MTMR12: variants seen among roughly 807,000 people sequenced by gnomAD.
MTMR12 encodes the protein myotubularin related protein 12.
MTMR12 carries 33 observed loss-of-function variants against 96.7 expected under a neutral mutation model. The observed-to-expected ratio is 0.34, with a 90% CI of 0.26 to 0.46. MTMR12 has a LOEUF of 0.46. Ranked by LOEUF, MTMR12 falls within the 20% of genes least tolerant of loss-of-function variation. MTMR12 has a pLI of 1.00. For synonymous variants in MTMR12, 298 were observed against 327.2 expected (o/e 0.91, Z 0.96); for missense variants, 721 against 896.1 (o/e 0.80, Z 2.49).
chr5:32,298,886 G>A (rs575662840), intron 1 of MTMR12, among the ~76,000 whole-genome samples: 63 of 150,476 alleles, frequency 4.2e-4, no homozygotes, highest in African/African-American at 1.5e-3. Flanking sequence ...CCGGGAGGCG[G>A]AGCTTGCAGT....
chr5:32,228,534 GATATATATATCATATATA>G lies in MTMR12; in HGVS notation c.*1226_*1243del, dbSNP rs1561726440. 37 of 87,524 alleles carry G rather than the reference GATATATATATCATATATA, an allele frequency of 4.2e-4. No individual in the cohort carries two copies. Among genetic ancestry groups the G allele is most frequent in the South Asian group, 1.6e-3 (4 of 2,480 alleles). 5.4% of individuals were successfully genotyped at this position (87,524 alleles called of 1,614,324 possible). ...TAAAAAAAATATATATCATATATAT[GATATATATATCATATATA>G]TGTGATATATATATATCATATATAT... is the stretch of plus-strand genomic sequence containing the variant. On this transcript the variant is annotated 3_prime_UTR_variant, in exon 16 of 16. Coordinates refer to ENST00000382142, the MANE Select transcript of MTMR12 (RefSeq NM_001040446.3).
chr5:32,295,175 C>T (rs1750879468), intron 1 of MTMR12, among the ~76,000 whole-genome samples: 1 of 152,250 alleles, frequency 6.6e-6, no homozygotes, highest in Non-Finnish European at 1.5e-5. Flanking sequence ...GCCTGACTAG[C>T]AGGCTCATTC....
intron 1 of MTMR12, among the ~76,000 whole-genome samples, chr5:32,290,446 G>A (rs996649487): frequency 2.6e-5 from 4 of 152,152 alleles, no homozygotes; most frequent in African/African-American, 9.7e-5. Context: ...GGGGTTCGGT[G>A]GTGTGCGGCC....
chr5:32,255,981 T>C (rs1000885659), intron 7 of MTMR12: 8 of 381,978 alleles, frequency 2.1e-5, no homozygotes, highest in Admixed American at 8.9e-5. Flanking sequence ...AAACTGTGGC[T>C]CTGCCTGCAA....
intron 10 of MTMR12, 50 bp downstream of exon 10, chr5:32,247,952 C>T (rs199849619): frequency 8.0e-4 from 1,273 of 1,591,132 alleles, no homozygotes; most frequent in Non-Finnish European, 8.6e-4. Context: ...ATCTGCATGG[C>T]ATGTCTTTCC....
chr5:32,305,106 T>G (rs180871921), intron 1 of MTMR12, among the ~76,000 whole-genome samples: 1 of 152,304 alleles, frequency 6.6e-6, no homozygotes, highest in East Asian at 1.9e-4. Flanking sequence ...TCTTTTTTTT[T>G]GAGACGGGGT....
chr5:32,284,224 G>A (rs994088451), intron 1 of MTMR12, among the ~76,000 whole-genome samples: 1 of 150,216 alleles, frequency 6.7e-6, no homozygotes, highest in Non-Finnish European at 1.5e-5. Flanking sequence ...AGGCTGGGGC[G>A]GGAGAATCAC....
intron 1 of MTMR12, among the ~76,000 whole-genome samples, chr5:32,283,121 T>C (rs1750373812): frequency 6.6e-6 from 1 of 152,302 alleles, no homozygotes; most frequent in East Asian, 1.9e-4. Context: ...ATTCTGAATG[T>C]GTATAAGCTG....
intron 1 of MTMR12, among the ~76,000 whole-genome samples, chr5:32,294,379 T>G (rs1218172082): frequency 6.6e-6 from 1 of 152,136 alleles, no homozygotes; most frequent in Non-Finnish European, 1.5e-5. Context: ...CTTGGCTCAC[T>G]GCAACTTCTG....
intron 1 of MTMR12, among the ~76,000 whole-genome samples, chr5:32,283,546 T>C (rs1750393584): frequency 6.6e-6 from 1 of 152,202 alleles, no homozygotes; most frequent in Admixed American, 6.5e-5. Flanking sequence ...TCAAACCCTG[T>C]GCGCAGTCTG....
intron 7 of MTMR12, among the ~76,000 whole-genome samples, chr5:32,258,962 A>C (rs1490609848): frequency 6.6e-6 from 1 of 151,090 alleles, no homozygotes; most frequent in Non-Finnish European, 1.5e-5. Context: ...CCCATCCATC[A>C]CCGAGCAGAG....
At chr5:32,232,426 T>C (rs1581584623) in intron 15 of MTMR12, among the ~76,000 whole-genome samples, 1 of 152,234 alleles carries the variant, frequency 6.6e-6, no homozygotes, top group South Asian at 2.1e-4. Context: ...TTAGGCTGTC[T>C]GTCCCTATCT....
chr5:32,302,093 G>A lies in MTMR12; in HGVS notation c.81+10665C>T, dbSNP rs572124023. Among the ~76,000 whole-genome samples the A allele has an allele frequency of 7.7e-4, 117 of 152,018 alleles. 1 individual carries two copies. The highest frequency in any genetic ancestry group is 2.6e-3 in the African/African-American group (109 of 41,330). On this transcript the variant is annotated intron_variant, in intron 1 of 15. Coordinates refer to ENST00000382142, the MANE Select transcript of MTMR12 (RefSeq NM_001040446.3). Reference sequence around the variant, plus strand: ...CACTTATACATAAGCCCTATCTTACGGCTGAAATCCCTCCCTTCCCAAAAC... The same window carrying A: ...CACTTATACATAAGCCCTATCTTACAGCTGAAATCCCTCCCTTCCCAAAAC...
rs931845661 is a variant in MTMR12, at chr5:32,254,194, G to A, written c.789+1499C>T. Among the ~76,000 whole-genome samples the A allele has an allele frequency of 2.0e-5, 3 of 152,310 alleles. No homozygotes were observed. The East Asian group carries it at 5.8e-4, about 29-fold the overall frequency. ...TTCCTCTAAAGCATCCGTTTTCGAA[G>A]TGTAGTATACACTACGCTGGGAGGT... On this transcript the variant is annotated intron_variant, in intron 8 of 15. Coordinates refer to ENST00000382142, the MANE Select transcript of MTMR12 (RefSeq NM_001040446.3).
rs769021562 is a variant in MTMR12 at position 32,229,668 on chromosome 5, G to C, written c.*110C>G. The C allele has an allele frequency of 1.9e-6, 2 of 1,041,694 alleles. No individual in the cohort carries two copies. The highest frequency in any genetic ancestry group is 3.3e-5 in the African/African-American group (2 of 61,040). 64.5% of individuals were successfully genotyped at this position (1,041,694 alleles called of 1,614,324 possible). A position where few individuals can be genotyped will look rare whatever the true frequency, so the allele number is the denominator to read the frequency against. On this transcript the variant is annotated 3_prime_UTR_variant, in exon 16 of 16. Coordinates refer to ENST00000382142, the MANE Select transcript of MTMR12 (RefSeq NM_001040446.3). ...CCCGAAGGCCCAGGTTTATTCTAAC[G>C]GAGTGCCGGGCTAAGGACCCAGCCA...
Position 32,242,125 on chromosome 5 carries a change from C to A in MTMR12, c.1103G>T (p.Arg368Leu). Residue 368 changes from arginine (R) to leucine (L), a missense_variant and splice_region_variant, in exon 12 of 16, where the codon CGT becomes CTT. Physicochemically the swap from Arg to Leu is moderately radical, Grantham distance 102. Coordinates refer to ENST00000382142, the MANE Select transcript of MTMR12 (RefSeq NM_001040446.3). ...AATCTCTATTGCTTTTTTCAGGCAA[C>A]GTCTGAATAGGAAAGAGACAAGAAA... ...ESSSWLDIIR[R>L]CLKKAIEITE... The A allele has an allele frequency of 6.8e-6, 11 of 1,607,484 alleles. No individual in the cohort carries two copies. Among genetic ancestry groups the A allele is most frequent in the Admixed American group, 1.7e-5 (1 of 59,880 alleles).
At chr5:32,258,243 C>A (rs187126877) in intron 7 of MTMR12, among the ~76,000 whole-genome samples, 1 of 152,270 alleles carries the variant, frequency 6.6e-6, no homozygotes, top group African/African-American at 2.4e-5. Flanking sequence ...CACTTCAAAC[C>A]ATCAAAACTG....
chr5:32,258,442 A>G (rs180848616), intron 7 of MTMR12, among the ~76,000 whole-genome samples: 7 of 152,346 alleles, frequency 4.6e-5, no homozygotes, highest in Admixed American at 2.6e-4. Flanking sequence ...AAGATTACCA[A>G]TGTCCAGGCT....
intron 6 of MTMR12, 83 bp downstream of exon 6, chr5:32,268,618 T>C (rs140762116): frequency 6.5e-4 from 748 of 1,146,334 alleles, no homozygotes; most frequent in Non-Finnish European, 7.3e-4. Flanking sequence ...AAACAACCCA[T>C]AGATGTGTTC....
Sources: allele counts gnomAD v4.1 joint callset (sites outside exome capture counted in the v4.1 genomes callset), GRCh38; gene constraint gnomAD v4.1.1; transcripts MANE v1.5; gene names NCBI Gene and HGNC (gene_info 2026-07-23, HGNC 2026-07-21).